TMEM132B: variants seen among roughly 807,000 people sequenced by gnomAD.
The protein encoded by TMEM132B is transmembrane protein 132B.
TMEM132B carries 18 observed loss-of-function variants against 90.8 expected under a neutral mutation model. The observed-to-expected ratio is 0.20, with a 90% CI of 0.14 to 0.29. The LOEUF (loss-of-function observed/expected upper bound fraction) is 0.29, where lower values mean the gene tolerates loss of function less well. TMEM132B is among the 10% of genes least tolerant of loss of function. The pLI, the probability that TMEM132B is intolerant of heterozygous loss-of-function variation, is 1.00. For synonymous variants in TMEM132B, 504 were observed against 523.3 expected, an observed-to-expected ratio of 0.96 and a Z score of 0.50; for missense variants, 1,096 against 1,326.8, an observed-to-expected ratio of 0.83 and a Z score of 2.70.
chr12:125,520,501 G>A (rs936622743), intron 4 of TMEM132B, among the ~76,000 whole-genome samples: 7 of 151,706 alleles, frequency 4.6e-5, no homozygotes, highest in Non-Finnish European at 8.8e-5. Context: ...TGCCATCCCC[G>A]AATCTCGAGT....
At chr12:125,642,863 A>G (rs2058012) in intron 5 of TMEM132B, among the ~76,000 whole-genome samples, 83,301 of 151,998 alleles carry the variant, frequency 0.55, 24,157 homozygotes, top group African/African-American at 0.74. Flanking sequence ...TTTCCATGTC[A>G]AGCTACAGTG....
rs1280810807 is a variant in TMEM132B, at chr12:125,289,995, T to TC, written c.68-59452dup. ...CAATTATAATCCATCATGCTTTATGTCCCCCTTAAATCAAAGATATACCAT... is the reference window on the plus strand; with the variant it reads ...CAATTATAATCCATCATGCTTTATGTCCCCCCTTAAATCAAAGATATACCAT... On this transcript the variant is annotated intron_variant, in intron 1 of 8. Transcript: ENST00000682704. 5.9e-5 allele frequency among the ~76,000 whole-genome samples: 9 copies of TC among 152,248 alleles called. 1 individual carries two copies. Among genetic ancestry groups the TC allele is most frequent in the African/African-American group, 2.2e-4 (9 of 41,538 alleles).
intron 1 of TMEM132B, among the ~76,000 whole-genome samples, chr12:125,260,662 C>T (rs1874542998): frequency 6.6e-6 from 1 of 152,134 alleles, no homozygotes; most frequent in African/African-American, 2.4e-5. Context: ...AATTGCCCCA[C>T]TTGTTTTCAA....
chr12:125,398,341 TG>T (rs1204577533), intron 2 of TMEM132B, among the ~76,000 whole-genome samples: 2 of 152,226 alleles, frequency 1.3e-5, no homozygotes, highest in Non-Finnish European at 2.9e-5. Flanking sequence ...AACCATTGCC[TG>T]TAGGGACCAG....
intron 1 of TMEM132B, among the ~76,000 whole-genome samples, chr12:125,297,366 A>T (rs1417524511): frequency 6.6e-6 from 1 of 152,194 alleles, no homozygotes; most frequent in Non-Finnish European, 1.5e-5. Context: ...TTATTGGCCC[A>T]CTGTCACCAG....
chr12:125,470,038 G>A (rs549949681), intron 3 of TMEM132B, among the ~76,000 whole-genome samples: 13 of 152,168 alleles, frequency 8.5e-5, no homozygotes, highest in Non-Finnish European at 1.6e-4. Context: ...AGGCACATGC[G>A]GGTTGAAAGT....
At chr12:125,591,090 A>G (rs1490274155) in intron 5 of TMEM132B, among the ~76,000 whole-genome samples, 2 of 152,136 alleles carry the variant, frequency 1.3e-5, no homozygotes, top group African/African-American at 4.8e-5. Flanking sequence ...TCTATGAGCT[A>G]GTAGCCAAAT....
chr12:125,633,596 C>T (rs1566095564), intron 5 of TMEM132B, among the ~76,000 whole-genome samples: 1 of 152,200 alleles, frequency 6.6e-6, no homozygotes, highest in Non-Finnish European at 1.5e-5. Context: ...TTCAAAAGGA[C>T]TTAGGTGTTG....
At chr12:125,358,147 G>A (rs567387584) in intron 2 of TMEM132B, among the ~76,000 whole-genome samples, 1 of 148,204 alleles carries the variant, frequency 6.7e-6, no homozygotes, top group Non-Finnish European at 1.5e-5. Context: ...CACTCTCTAT[G>A]GGGGGGAGAC....
At chr12:125,537,949 T>C (rs1012324816) in intron 4 of TMEM132B, among the ~76,000 whole-genome samples, 5 of 152,072 alleles carry the variant, frequency 3.3e-5, no homozygotes, top group African/African-American at 1.2e-4. Context: ...CACACACTCA[T>C]CCACCACCCC....
chr12:125,192,990 C>T (rs754389993), intron 1 of TMEM132B, among the ~76,000 whole-genome samples: 4 of 152,124 alleles, frequency 2.6e-5, no homozygotes, highest in Admixed American at 1.3e-4. Flanking sequence ...TAAACAACAA[C>T]GGCGTGCTGA....
At chr12:125,413,150 A>G (rs765168202) in intron 2 of TMEM132B, among the ~76,000 whole-genome samples, 6 of 152,144 alleles carry the variant, frequency 3.9e-5, no homozygotes, top group Non-Finnish European at 5.9e-5. Flanking sequence ...GGTGGGTGGT[A>G]AAGTTGGGGC....
chr12:125,313,470 CT>C (rs939953967), intron 1 of TMEM132B, among the ~76,000 whole-genome samples: 4 of 150,406 alleles, frequency 2.7e-5, no homozygotes, highest in African/African-American at 9.8e-5. Flanking sequence ...TTCTCTCTTC[CT>C]TTTTTCCCTT....
intron 5 of TMEM132B, among the ~76,000 whole-genome samples, chr12:125,598,149 A>G (rs566958726): frequency 2.6e-5 from 4 of 152,214 alleles, no homozygotes; most frequent in Non-Finnish European, 5.9e-5. Context: ...AGAAATGTCG[A>G]TAGCACTGCA....
intron 3 of TMEM132B, among the ~76,000 whole-genome samples, chr12:125,519,166 A>C (rs1371791877): frequency 6.6e-6 from 1 of 152,128 alleles, no homozygotes; most frequent in Non-Finnish European, 1.5e-5. Context: ...GTGGCATGCG[A>C]AGAGGTGAAA....
intron 4 of TMEM132B, among the ~76,000 whole-genome samples, chr12:125,531,836 C>T (rs912096131): frequency 2.0e-5 from 3 of 152,236 alleles, no homozygotes; most frequent in South Asian, 4.1e-4. Context: ...CCGTCTTTGT[C>T]GGCTGAGCTG....
At chr12:125,535,974 T>C (rs1883785058) in intron 4 of TMEM132B, among the ~76,000 whole-genome samples, 1 of 152,234 alleles carries the variant, frequency 6.6e-6, no homozygotes, top group African/African-American at 2.4e-5. Context: ...GACTGTGTCT[T>C]GTGGGCTGTT....
At chr12:125,293,550 T>A (rs1407680513) in intron 1 of TMEM132B, among the ~76,000 whole-genome samples, 1 of 152,204 alleles carries the variant, frequency 6.6e-6, no homozygotes, top group African/African-American at 2.4e-5. Context: ...ACATGCAGTA[T>A]TTGGTTTCTG....
chr12:125,265,735 T>C (rs545358101), intron 1 of TMEM132B, among the ~76,000 whole-genome samples: 1 of 152,284 alleles, frequency 6.6e-6, no homozygotes, highest in African/African-American at 2.4e-5. Flanking sequence ...TTTACCTGTT[T>C]TTTTACTTTC....
Sources: allele counts gnomAD v4.1 joint callset (sites outside exome capture counted in the v4.1 genomes callset), GRCh38; gene constraint gnomAD v4.1.1; transcripts MANE v1.5; gene names NCBI Gene and HGNC (gene_info 2026-07-23, HGNC 2026-07-21).